The following MIS18A variants were observed in gnomAD, a reference collection of about 807,000 sequenced individuals.
MIS18A encodes the protein MIS18 kinetochore protein A.
In MIS18A, 14 loss-of-function variants were observed where a neutral mutation model predicts 25.0. The observed-to-expected ratio is 0.56, with a 90% CI of 0.37 to 0.88. The LOEUF (loss-of-function observed/expected upper bound fraction) is 0.88. Among genes scored for constraint, MIS18A ranks in the 40% least tolerant of loss-of-function variants. MIS18A has a pLI of 0.00. For synonymous variants in MIS18A, 134 were observed against 118.6 expected, an observed-to-expected ratio of 1.13 and a Z score of -0.84; for missense variants, 292 against 290.8, an observed-to-expected ratio of 1.00 and a Z score of -0.03.
the MIS18A span, among the ~76,000 whole-genome samples, chr21:32,213,181 T>C: frequency 6.6e-6 from 1 of 152,190 alleles, no homozygotes; most frequent in Non-Finnish European, 1.5e-5. Flanking sequence ...ATCCTGTAGA[T>C]AGGTTTATAC....
the MIS18A span, among the ~76,000 whole-genome samples, chr21:32,246,711 C>T: frequency 6.6e-6 from 1 of 152,062 alleles, no homozygotes; most frequent in Non-Finnish European, 1.5e-5. Context: ...CCTGACAGAC[C>T]CTTTCCAGCG....
At chr21:32,220,340 C>A in the MIS18A span, among the ~76,000 whole-genome samples, 1 of 152,240 alleles carries the variant, frequency 6.6e-6, no homozygotes, top group South Asian at 2.1e-4. Context: ...CAAACAGGAT[C>A]TGGAGTGGAC....
the MIS18A span, among the ~76,000 whole-genome samples, chr21:32,170,855 A>G: frequency 6.6e-6 from 1 of 152,072 alleles, no homozygotes; most frequent in African/African-American, 2.4e-5. Context: ...ATAATATACA[A>G]TATTCATAGA....
At chr21:32,237,337 G>A in the MIS18A span, among the ~76,000 whole-genome samples, 1 of 152,202 alleles carries the variant, frequency 6.6e-6, no homozygotes, top group Non-Finnish European at 1.5e-5. Flanking sequence ...GGTTGCTGAT[G>A]TGTTAGCACA....
the MIS18A span, among the ~76,000 whole-genome samples, chr21:32,219,779 G>A: frequency 6.6e-6 from 1 of 152,184 alleles, no homozygotes; most frequent in South Asian, 2.1e-4. Context: ...GGATGCTCAA[G>A]CTTGGTGAGG....
At chr21:32,214,142 C>T in the MIS18A span, among the ~76,000 whole-genome samples, 1 of 152,168 alleles carries the variant, frequency 6.6e-6, no homozygotes, top group African/African-American at 2.4e-5. Flanking sequence ...TCCCTCACTC[C>T]CATGGTGCCC....
At chr21:32,247,954 G>A in the MIS18A span, among the ~76,000 whole-genome samples, 5 of 152,186 alleles carry the variant, frequency 3.3e-5, no homozygotes, top group Non-Finnish European at 7.3e-5. Context: ...AGAGCCAACT[G>A]AACCAAACAG....
At chr21:32,203,612 G>GTTTT in the MIS18A span, among the ~76,000 whole-genome samples, 1 of 111,102 alleles carries the variant, frequency 9.0e-6, no homozygotes, top group African/African-American at 3.4e-5. Flanking sequence ...TTTTTTAAAT[G>GTTTT]CTTTTTTTTT....
chr21:32,258,202 CAG>C, the MIS18A span, among the ~76,000 whole-genome samples: 2 of 152,098 alleles, frequency 1.3e-5, no homozygotes, highest in Non-Finnish European at 2.9e-5. Context: ...GTCATGAAAA[CAG>C]AAAACGACTG....
At chr21:32,160,911 G>A in the MIS18A span, among the ~76,000 whole-genome samples, 2 of 152,120 alleles carry the variant, frequency 1.3e-5, no homozygotes, top group Admixed American at 6.5e-5. Context: ...GATTACAGGC[G>A]TGAGCCCCTG....
At chr21:32,208,874 A>G in the MIS18A span, among the ~76,000 whole-genome samples, 3 of 152,206 alleles carry the variant, frequency 2.0e-5, no homozygotes, top group African/African-American at 7.2e-5. Context: ...AGGTCCTTGC[A>G]TTTCTCATCA....
chr21:32,250,776 G>A, the MIS18A span, among the ~76,000 whole-genome samples: 1 of 152,206 alleles, frequency 6.6e-6, no homozygotes. Context: ...ATAGAATCGT[G>A]AGCCCTGGAT....
chr21:32,190,241 C>T, the MIS18A span, among the ~76,000 whole-genome samples: 15 of 152,178 alleles, frequency 9.9e-5, no homozygotes, highest in Non-Finnish European at 2.2e-4. Context: ...TTTCCTGCTT[C>T]CCTTCTCGTG....
chr21:32,166,804 C>T, the MIS18A span, among the ~76,000 whole-genome samples: 1 of 152,036 alleles, frequency 6.6e-6, no homozygotes, highest in Admixed American at 6.6e-5. Context: ...GTGCTTGAAC[C>T]TGGGTGGATC....
chr21:32,193,530 C>A, the MIS18A span, among the ~76,000 whole-genome samples: 3 of 150,498 alleles, frequency 2.0e-5, no homozygotes, highest in African/African-American at 7.3e-5. Flanking sequence ...ATGGATAGAT[C>A]GATCGATCTA....
chr21:32,174,241 G>A, the MIS18A span, among the ~76,000 whole-genome samples: 1 of 152,026 alleles, frequency 6.6e-6, no homozygotes, highest in Admixed American at 6.6e-5. Flanking sequence ...GGGAGCAACA[G>A]CACCCAGCCT....
At chr21:32,200,790 C>G in the MIS18A span, among the ~76,000 whole-genome samples, 14,423 of 152,142 alleles carry the variant, frequency 0.095, 758 homozygotes, top group Middle Eastern at 0.17. Flanking sequence ...TATTCCTCAA[C>G]CATGCTCCTT....
At chr21:32,263,042 C>A in the MIS18A span, among the ~76,000 whole-genome samples, 3 of 152,154 alleles carry the variant, frequency 2.0e-5, no homozygotes, top group Non-Finnish European at 4.4e-5. Flanking sequence ...TCAGCTCTCA[C>A]TAAAAAAATT....
chr21:32,169,559 G>A, the MIS18A span, among the ~76,000 whole-genome samples: 1 of 152,076 alleles, frequency 6.6e-6, no homozygotes, highest in Non-Finnish European at 1.5e-5. Context: ...GCATGCCCAG[G>A]AAATATCTGA....
Sources: gnomAD v4.1 joint callset for allele counts (sites outside exome capture counted in the v4.1 genomes callset) on GRCh38, gnomAD v4.1.1 for gene constraint, MANE v1.5 for transcripts, NCBI Gene and HGNC (gene_info 2026-07-23, HGNC 2026-07-21) for gene names.